GLRA1: variants seen among roughly 807,000 people sequenced by gnomAD.
GLRA1 encodes glycine receptor alpha 1, also known as glycine receptor subunit alpha-1.
Under a neutral mutation model 48.3 loss-of-function variants are expected in GLRA1, and 37 were observed. That is an observed-to-expected ratio of 0.77 (90% CI 0.59 to 1.01). The LOEUF (loss-of-function observed/expected upper bound fraction) is 1.01, where lower values mean the gene tolerates loss of function less well. GLRA1 is among the 50% of genes least tolerant of loss of function. The pLI is 0.00. For synonymous variants in GLRA1, 196 were observed against 210.7 expected (o/e 0.93, Z 0.60); for missense variants, 427 against 571.0 (o/e 0.75, Z 2.57).
chr5:151,902,963 C>A (rs1163011762), intron 1 of GLRA1, among the ~76,000 whole-genome samples: 6 of 152,256 alleles, frequency 3.9e-5, no homozygotes, highest in Admixed American at 3.3e-4. Flanking sequence ...GGCTCTCAAA[C>A]TAGTAGAGGA....
intron 5 of GLRA1, among the ~76,000 whole-genome samples, chr5:151,855,669 G>T (rs1753022787): frequency 6.6e-6 from 1 of 152,230 alleles, no homozygotes; most frequent in Non-Finnish European, 1.5e-5. Flanking sequence ...ATTGGTTTGT[G>T]CTGATTCCCC....
intron 3 of GLRA1, among the ~76,000 whole-genome samples, chr5:151,874,011 A>G (rs1753561256): frequency 6.6e-6 from 1 of 152,122 alleles, no homozygotes; most frequent in South Asian, 2.1e-4. Context: ...CTTTGAGGAG[A>G]GCACCCTGGT....
intron 6 of GLRA1, among the ~76,000 whole-genome samples, chr5:151,851,911 C>CCATCATCAT (rs201218235): frequency 2.0e-5 from 3 of 151,662 alleles, no homozygotes; most frequent in Non-Finnish European, 2.9e-5. Context: ...ATCACTGTTA[C>CCATCATCAT]CATCATCATC....
intron 1 of GLRA1, among the ~76,000 whole-genome samples, chr5:151,895,855 C>T (rs1754215658): frequency 6.6e-6 from 1 of 152,134 alleles, no homozygotes; most frequent in African/African-American, 2.4e-5. Flanking sequence ...AGGCACGCAA[C>T]TAGTGATTTA....
At chr5:151,871,727 A>G (rs981880451) in intron 3 of GLRA1, among the ~76,000 whole-genome samples, 20 of 148,928 alleles carry the variant, frequency 1.3e-4, no homozygotes, top group Admixed American at 2.6e-4. Context: ...CGCCCGGCTA[A>G]TTTTTTTTAT....
chr5:151,849,006 G>A (rs189212730), intron 7 of GLRA1: 151 of 670,350 alleles, frequency 2.3e-4, no homozygotes, highest in African/African-American at 2.2e-3. Context: ...GAAGGATGGC[G>A]CTGCAAGACC....
intron 1 of GLRA1, among the ~76,000 whole-genome samples, chr5:151,911,940 A>G (rs1001576128): frequency 9.9e-5 from 15 of 152,256 alleles, no homozygotes; most frequent in African/African-American, 3.4e-4. Flanking sequence ...TGGGCCTTCA[A>G]TATGCCAACT....
In GLRA1 at chr5:151,833,821, G is replaced by A. The variant is rs563114553; in HGVS notation, c.913-4754C>T. On this transcript the variant is annotated intron_variant, in intron 7 of 8. Coordinates refer to ENST00000274576, the MANE Select transcript of GLRA1 (RefSeq NM_000171.4). ...CAAAAAAAAAAAAAAAAAAAGCAGGGGTTGCAATCCTAGTTTCTGATAAAA... is the reference window on the plus strand; with the variant it reads ...CAAAAAAAAAAAAAAAAAAAGCAGGAGTTGCAATCCTAGTTTCTGATAAAA... Among the ~76,000 whole-genome samples, 29 of 100,890 alleles carry A rather than the reference G, an allele frequency of 2.9e-4. No homozygotes were observed. The South Asian group carries it at 8.6e-3, about 30-fold the overall frequency. 66.2% of individuals were successfully genotyped at this position (100,890 alleles called of 152,430 possible).
At chr5:151,901,874 A>G (rs1241149365) in intron 1 of GLRA1, among the ~76,000 whole-genome samples, 1 of 152,166 alleles carries the variant, frequency 6.6e-6, no homozygotes, top group East Asian at 1.9e-4. Context: ...TGACACTTTC[A>G]TTTTCAGAAA....
intron 3 of GLRA1, among the ~76,000 whole-genome samples, chr5:151,869,162 G>A (rs1753412382): frequency 6.6e-6 from 1 of 151,522 alleles, no homozygotes; most frequent in African/African-American, 2.4e-5. Flanking sequence ...GGAGTGCAGT[G>A]GTGCGATCTC....
chr5:151,849,152 CTTTTCTTT>C (rs1436193936), intron 7 of GLRA1: 2 of 132,346 alleles, frequency 1.5e-5, no homozygotes, highest in African/African-American at 9.4e-5. Context: ...TTCTTTCTTT[CTTTTCTTT>C]TCTTTTCTTT....
Position 151,873,142 on chromosome 5 carries a change from C to T in GLRA1, c.253-13134G>A, listed in dbSNP as rs567025252. On this transcript the variant is annotated intron_variant, in intron 3 of 8. Coordinates refer to ENST00000274576, the MANE Select transcript of GLRA1 (RefSeq NM_000171.4). ...AAAAATGTTCCAGGGTGCTGCTGTC[C>T]GTAAGCATACTGCAAGTGAACACTG... is the stretch of plus-strand genomic sequence containing the variant. 7.5e-4 allele frequency among the ~76,000 whole-genome samples: 112 copies of T among 149,536 alleles called. 13 individuals are homozygous for T. The highest frequency in any genetic ancestry group is 3.4e-3 in the Middle Eastern group (1 of 294).
At chr5:151,855,014 C>A (rs778733715) in intron 6 of GLRA1, 26 bp downstream of exon 6, 8 of 1,612,608 alleles carry the variant, frequency 5.0e-6, no homozygotes, top group Non-Finnish European at 6.8e-6. Context: ...GGGGTGGGAT[C>A]TGAGGAGGGT....
At chr5:151,828,083 A>G (rs921233624) in intron 8 of GLRA1, among the ~76,000 whole-genome samples, 1 of 152,136 alleles carries the variant, frequency 6.6e-6, no homozygotes, top group African/African-American at 2.4e-5. Flanking sequence ...AAATCACATC[A>G]TTGAATTTAT....
chr5:151,851,062 A>C (rs1752892857), intron 7 of GLRA1, among the ~76,000 whole-genome samples: 1 of 152,214 alleles, frequency 6.6e-6, no homozygotes, highest in Non-Finnish European at 1.5e-5. Context: ...AAAGAGCAGA[A>C]TATTGTACTT....
intron 7 of GLRA1, among the ~76,000 whole-genome samples, chr5:151,831,461 G>C (rs187878900): frequency 6.6e-6 from 1 of 152,158 alleles, no homozygotes; most frequent in African/African-American, 2.4e-5. Flanking sequence ...GAGCTTGGTG[G>C]GGGGAGGAGT....
chr5:151,922,553 T>C (rs545719007), intron 1 of GLRA1, among the ~76,000 whole-genome samples: 1 of 152,374 alleles, frequency 6.6e-6, no homozygotes, highest in Admixed American at 6.5e-5. Context: ...GTTATAACTC[T>C]TCTTTCCTTA....
chr5:151,890,736 A>C (rs888049753), intron 2 of GLRA1, among the ~76,000 whole-genome samples: 2 of 152,112 alleles, frequency 1.3e-5, no homozygotes, highest in African/African-American at 4.8e-5. Context: ...TCATTCATAT[A>C]CTATAGTTGT....
At chr5:151,851,722 C>G (rs1199709729) in intron 6 of GLRA1, 118 bp from the exon 7 acceptor site, 1 of 727,494 alleles carries the variant, frequency 1.4e-6, no homozygotes, top group Non-Finnish European at 2.5e-6. Flanking sequence ...TGTCCTTAGA[C>G]AAGTATTTGA....
Sources: gnomAD v4.1 joint callset for allele counts (sites outside exome capture counted in the v4.1 genomes callset) on GRCh38, gnomAD v4.1.1 for gene constraint, MANE v1.5 for transcripts, NCBI Gene and HGNC (gene_info 2026-07-23, HGNC 2026-07-21) for gene names.